The following IMPG1 variants were observed in gnomAD, a reference collection of about 807,000 sequenced individuals.
The protein encoded by IMPG1 is interphotoreceptor matrix proteoglycan of 150 kDa.
Under a neutral mutation model 92.0 loss-of-function variants are expected in IMPG1, and 85 were observed. That is an observed-to-expected ratio of 0.92 (90% confidence interval 0.78 to 1.11). The LOEUF is 1.11. Ranked by LOEUF, IMPG1 falls within the 50% of genes least tolerant of loss-of-function variation. The pLI is 0.00. For missense variants in IMPG1, 1,022 were observed against 956.0 expected (o/e 1.07, Z -0.91); for synonymous variants, 367 against 334.1 (o/e 1.10, Z -1.08).
At chr6:76,010,212 ATCT>A (rs1477424380) in intron 8 of IMPG1, among the ~76,000 whole-genome samples, 2 of 152,194 alleles carry the variant, frequency 1.3e-5, no homozygotes, top group Non-Finnish European at 2.9e-5. Flanking sequence ...TGCTCTGTAC[ATCT>A]TCTTGCTTTC....
rs1429188635 is a variant in IMPG1, at chr6:75,947,534, C to G, written c.1825-1G>C. On this transcript the variant is annotated splice_acceptor_variant, in intron 13 of 16. Coordinates refer to ENST00000369950, the MANE Select transcript of IMPG1 (RefSeq NM_001563.4). LOFTEE classifies it high-confidence loss of function. ...GATTGGATCGTAGATATGGAACCAG[C>G]TGCAAAATAAAAGATGGTTTCCTCT... 1 of 1,609,164 alleles carries G rather than the reference C, an allele frequency of 6.2e-7. No homozygotes were observed. Among genetic ancestry groups the G allele is most frequent in the Admixed American group, 1.7e-5 (1 of 59,750 alleles).
At position 76,052,031 on chromosome 6, in the gene IMPG1, C is replaced by T. The variant is rs566480417; in HGVS notation, c.68-9905G>A. 1.1e-4 allele frequency among the ~76,000 whole-genome samples: 17 copies of T among 151,250 alleles called. No homozygotes were observed. The South Asian group carries it at 2.3e-3, about 20-fold the overall frequency. On this transcript the variant is annotated intron_variant, in intron 1 of 16. Transcript: ENST00000369950. Reference sequence around the variant, plus strand: ...AAGAACTAAATCTATTGGTGGCATGCTGAGTTACAAACATAGGCACTTCTT... The same window carrying T: ...AAGAACTAAATCTATTGGTGGCATGTTGAGTTACAAACATAGGCACTTCTT...
chr6:75,984,745 A>G (rs1403573336), intron 12 of IMPG1, among the ~76,000 whole-genome samples: 2 of 152,170 alleles, frequency 1.3e-5, no homozygotes, highest in African/African-American at 4.8e-5. Context: ...ATGGGGACAG[A>G]TCCTTCACGA....
At position 76,030,179 on chromosome 6, in the gene IMPG1, C is replaced by G. The variant is rs186474692; in HGVS notation, c.497+4136G>C. 5.3e-5 allele frequency among the ~76,000 whole-genome samples: 8 copies of G among 152,238 alleles called. No individual in the cohort carries two copies. In the East Asian group the frequency reaches 1.5e-3, roughly 29 times the overall value. On this transcript the variant is annotated intron_variant, in intron 4 of 16. Coordinates refer to ENST00000369950, the MANE Select transcript of IMPG1 (RefSeq NM_001563.4). ...CTACTGACAGTAGCAGGGATAGAGACATAAGGGAGAGCAGATCATTCTTAT... is the reference window on the plus strand; with the variant it reads ...CTACTGACAGTAGCAGGGATAGAGAGATAAGGGAGAGCAGATCATTCTTAT...
At position 76,072,278 on chromosome 6, in the gene IMPG1, T is replaced by C. The variant is rs1014343905; in HGVS notation, c.67+144A>G. ...AAAATCATTTCTGATAGTTAATTATTCAATCAATCAAGCAATATTTATTCA... is the reference window on the plus strand; with the variant it reads ...AAAATCATTTCTGATAGTTAATTATCCAATCAATCAAGCAATATTTATTCA... On this transcript the variant is annotated intron_variant, in intron 1 of 16. Transcript: ENST00000369950. 43 of 491,576 alleles carry C rather than the reference T, an allele frequency of 8.7e-5. No individual in the cohort carries two copies. The East Asian group carries it at 1.0e-3, about 12-fold the overall frequency. 30.5% of individuals were successfully genotyped at this position (491,576 alleles called of 1,614,324 possible).
In IMPG1 at chr6:75,942,697, C is replaced by T. The variant is rs188951776; in HGVS notation, c.2044+4617G>A. Reference sequence around the variant, plus strand: ...TGATGGCTTACACGCAAATATCCCACCAAAAGGAGAAAATTTGGATCAGCC... The same window carrying T: ...TGATGGCTTACACGCAAATATCCCATCAAAAGGAGAAAATTTGGATCAGCC... On this transcript the variant is annotated intron_variant, in intron 14 of 16. Transcript: ENST00000369950. Among the ~76,000 whole-genome samples, 5 of 152,222 alleles carry T rather than the reference C, an allele frequency of 3.3e-5. No individual in the cohort carries two copies. In the East Asian group the frequency reaches 9.6e-4, roughly 29 times the overall value.
chr6:76,018,884 C>A (rs1176231916), intron 6 of IMPG1, 26 bp from the exon 7 acceptor site: 1 of 1,512,344 alleles, frequency 6.6e-7, no homozygotes. Context: ...AAAAAAAGGA[C>A]TTCTGTTAAC....
chr6:76,006,177 C>T (rs1490639603), intron 9 of IMPG1, among the ~76,000 whole-genome samples: 1 of 151,890 alleles, frequency 6.6e-6, no homozygotes, highest in Admixed American at 6.6e-5. Flanking sequence ...CTGGTATTGA[C>T]CACTATTTTT....
chr6:76,050,760 G>A (rs1000529570), intron 1 of IMPG1, among the ~76,000 whole-genome samples: 6 of 152,116 alleles, frequency 3.9e-5, no homozygotes, highest in Non-Finnish European at 5.9e-5. Context: ...CAACCTGTTT[G>A]GACCATTCCT....
intron 1 of IMPG1, among the ~76,000 whole-genome samples, chr6:76,052,291 T>C (rs76241439): frequency 0.023 from 3,463 of 152,170 alleles, 116 homozygotes; most frequent in African/African-American, 0.076. Flanking sequence ...TCCGTCTTAG[T>C]AGGGTGAGAG....
intron 1 of IMPG1, among the ~76,000 whole-genome samples, chr6:76,047,364 C>T (rs186696317): frequency 1.9e-4 from 29 of 152,320 alleles, no homozygotes; most frequent in African/African-American, 6.5e-4. Context: ...TCATTCATTG[C>T]TCCCTCCTGT....
At chr6:76,020,077 CAG>C (rs1437242231) in intron 6 of IMPG1, among the ~76,000 whole-genome samples, 1 of 151,996 alleles carries the variant, frequency 6.6e-6, no homozygotes, top group Non-Finnish European at 1.5e-5. Context: ...TTTTTTGACA[CAG>C]AGTCTCACTC....
chr6:75,986,675 C>A (rs1319445231), intron 12 of IMPG1, among the ~76,000 whole-genome samples: 1 of 151,844 alleles, frequency 6.6e-6, no homozygotes, highest in Non-Finnish European at 1.5e-5. Context: ...TTACCATAAA[C>A]TGCATAAAGT....
chr6:76,055,861 C>T (rs913940354), intron 1 of IMPG1, among the ~76,000 whole-genome samples: 1 of 151,884 alleles, frequency 6.6e-6, no homozygotes, highest in East Asian at 1.9e-4. Flanking sequence ...CTTACTATAA[C>T]TCAAAAAGAG....
chr6:75,984,470 A>G (rs991925815), intron 12 of IMPG1, among the ~76,000 whole-genome samples: 1 of 152,240 alleles, frequency 6.6e-6, no homozygotes, highest in Non-Finnish European at 1.5e-5. Context: ...GCACAGAAAG[A>G]CAAATACCAT....
chr6:75,966,094 G>T (rs141793863), intron 12 of IMPG1, among the ~76,000 whole-genome samples: 36 of 152,168 alleles, frequency 2.4e-4, no homozygotes, highest in South Asian at 4.2e-4. Context: ...AGGCCCTAAG[G>T]TTCCTAGTTA....
At chr6:76,068,780 G>T (rs1316165606) in intron 1 of IMPG1, among the ~76,000 whole-genome samples, 1 of 151,958 alleles carries the variant, frequency 6.6e-6, no homozygotes, top group African/African-American at 2.4e-5. Context: ...GCCTCCCAAA[G>T]TGCTGGGATT....
chr6:75,935,965 C>T (rs1427215505), intron 14 of IMPG1, among the ~76,000 whole-genome samples: 2 of 152,156 alleles, frequency 1.3e-5, no homozygotes, highest in Non-Finnish European at 2.9e-5. Flanking sequence ...TGAATAAATA[C>T]GTCCCTGTAC....
chr6:75,947,003 G>A (rs1245928500), intron 14 of IMPG1, among the ~76,000 whole-genome samples: 1 of 151,720 alleles, frequency 6.6e-6, no homozygotes, highest in Non-Finnish European at 1.5e-5. Flanking sequence ...CTTGGCTGTG[G>A]GCTACATTAA....
Sources: gnomAD v4.1 joint callset for allele counts (sites outside exome capture counted in the v4.1 genomes callset) on GRCh38, gnomAD v4.1.1 for gene constraint, MANE v1.5 for transcripts, NCBI Gene and HGNC (gene_info 2026-07-23, HGNC 2026-07-21) for gene names.